Variants in STIM1 observed in about 807,000 individuals in gnomAD.
STIM1 encodes the protein stromal interaction molecule 1.
Under a neutral mutation model 74.7 loss-of-function variants are expected in STIM1, and 25 were observed. The ratio of observed to expected loss-of-function variants is 0.33; its 90% CI spans 0.24 to 0.47. STIM1 has a LOEUF of 0.47. STIM1 is among the 20% of genes least tolerant of loss of function. The pLI, the probability that STIM1 is intolerant of heterozygous loss-of-function variation, is 1.00. For synonymous variants in STIM1, 328 were observed against 348.8 expected, an observed-to-expected ratio of 0.94 and a Z score of 0.66; for missense variants, 728 against 920.8, an observed-to-expected ratio of 0.79 and a Z score of 2.71.
intron 2 of STIM1, among the ~76,000 whole-genome samples, chr11:4,023,406 G>C (rs2093974494): frequency 6.6e-6 from 1 of 152,096 alleles, no homozygotes; most frequent in African/African-American, 2.4e-5. Flanking sequence ...GTAATTTGGG[G>C]CAAATGGCAT....
chr11:3,884,871 A>G (rs1457983451), intron 1 of STIM1, among the ~76,000 whole-genome samples: 1 of 152,180 alleles, frequency 6.6e-6, no homozygotes, highest in African/African-American at 2.4e-5. Context: ...AACATGGATA[A>G]ACCTTGAAAA....
intron 1 of STIM1, among the ~76,000 whole-genome samples, chr11:3,878,459 CTT>C (rs540135230): frequency 2.8e-5 from 4 of 145,194 alleles, no homozygotes; most frequent in Non-Finnish European, 1.5e-5. Flanking sequence ...TATGAAGTTT[CTT>C]TTTTTTTTTG....
chr11:3,950,008 C>G (rs1417021817), intron 1 of STIM1, among the ~76,000 whole-genome samples: 1 of 152,146 alleles, frequency 6.6e-6, no homozygotes, highest in African/African-American at 2.4e-5. Context: ...TTTATCCTTT[C>G]AAAAATGTTA....
chr11:3,899,589 T>C (rs1450896539), intron 1 of STIM1, among the ~76,000 whole-genome samples: 6 of 150,258 alleles, frequency 4.0e-5, no homozygotes, highest in African/African-American at 1.5e-4. Flanking sequence ...ATCCCTGTCT[T>C]GTGCCAGTTT....
chr11:4,024,176 A>C (rs1430404889), intron 3 of STIM1, among the ~76,000 whole-genome samples, 189 bp downstream of exon 3: 1 of 152,200 alleles, frequency 6.6e-6, no homozygotes, highest in African/African-American at 2.4e-5. Context: ...AAGGTTCTCC[A>C]GAGTTGGCGT....
intron 12 of STIM1, among the ~76,000 whole-genome samples, chr11:4,090,382 C>T (rs533029042): frequency 6.6e-6 from 1 of 152,306 alleles, no homozygotes; most frequent in African/African-American, 2.4e-5. Context: ...TTCTATGCCT[C>T]CCTACATTCT....
chr11:4,067,843 C>T (rs545301181), intron 5 of STIM1, among the ~76,000 whole-genome samples: 2 of 152,268 alleles, frequency 1.3e-5, no homozygotes, highest in South Asian at 4.2e-4. Flanking sequence ...ATCAATCCTT[C>T]CAAGATTTAT....
At chr11:3,858,586 A>G (rs576063555) in intron 1 of STIM1, among the ~76,000 whole-genome samples, 2 of 152,198 alleles carry the variant, frequency 1.3e-5, no homozygotes, top group South Asian at 4.1e-4. Flanking sequence ...TGTTTTTGCA[A>G]AGAGGTGGTT....
chr11:3,941,341 G>C (rs1434784814), intron 1 of STIM1, among the ~76,000 whole-genome samples: 1 of 152,140 alleles, frequency 6.6e-6, no homozygotes, highest in African/African-American at 2.4e-5. Flanking sequence ...AAACAAAACA[G>C]ATCTGACTGG....
intron 1 of STIM1, among the ~76,000 whole-genome samples, chr11:3,895,927 T>C (rs1349617759): frequency 6.7e-6 from 1 of 148,326 alleles, no homozygotes; most frequent in African/African-American, 2.5e-5. Flanking sequence ...TTTTTTGAGA[T>C]GGAGTCTTGC....
chr11:3,982,788 T>C (rs755991732), intron 2 of STIM1, among the ~76,000 whole-genome samples: 4 of 152,214 alleles, frequency 2.6e-5, no homozygotes, highest in Non-Finnish European at 5.9e-5. Context: ...TAAATCTCAA[T>C]AAATATGTTT....
intron 1 of STIM1, among the ~76,000 whole-genome samples, chr11:3,864,006 A>G (rs1276646061): frequency 6.6e-6 from 1 of 151,976 alleles, no homozygotes. Context: ...CCCCGAGAAT[A>G]AAGGAGGGCT....
At chr11:3,976,928 G>C (rs986798383) in intron 2 of STIM1, among the ~76,000 whole-genome samples, 11 of 152,090 alleles carry the variant, frequency 7.2e-5, no homozygotes, top group African/African-American at 2.4e-4. Flanking sequence ...CCTAGTAGCT[G>C]GAACTACAGG....
chr11:4,051,141 TA>T (rs1373681303), intron 3 of STIM1, among the ~76,000 whole-genome samples: 1 of 152,100 alleles, frequency 6.6e-6, no homozygotes, highest in Non-Finnish European at 1.5e-5. Flanking sequence ...CCCAGGAAGT[TA>T]AAACCTGCAT....
chr11:4,043,992 C>T (rs1217633656), intron 3 of STIM1, among the ~76,000 whole-genome samples: 3 of 151,482 alleles, frequency 2.0e-5, no homozygotes, highest in East Asian at 1.9e-4. Context: ...TCCAGCCTAG[C>T]GACATAGTAG....
At chr11:4,044,879 A>G (rs2094178074) in intron 3 of STIM1, among the ~76,000 whole-genome samples, 1 of 152,142 alleles carries the variant, frequency 6.6e-6, no homozygotes. Flanking sequence ...GATGTTGAAC[A>G]ATATCTGGAG....
At chr11:4,021,236 C>T (rs891556434) in intron 2 of STIM1, among the ~76,000 whole-genome samples, 1 of 152,170 alleles carries the variant, frequency 6.6e-6, no homozygotes, top group Admixed American at 6.5e-5. Flanking sequence ...AGTGATTCTC[C>T]TGCTTCAGCC....
intron 1 of STIM1, chr11:3,867,067 GAGAATA>G (rs1203042998): frequency 1.3e-5 from 2 of 152,238 alleles, no homozygotes; most frequent in Non-Finnish European, 2.9e-5. Flanking sequence ...GGTGGGGAGG[GAGAATA>G]CCAAGTACTT....
intron 2 of STIM1, among the ~76,000 whole-genome samples, chr11:3,981,169 C>G (rs1389267139): frequency 6.6e-6 from 1 of 152,166 alleles, no homozygotes; most frequent in Non-Finnish European, 1.5e-5. Flanking sequence ...ACCTTGTGAT[C>G]CATCTGCCTC....
Sources: allele counts gnomAD v4.1 joint callset (sites outside exome capture counted in the v4.1 genomes callset), GRCh38; gene constraint gnomAD v4.1.1; transcripts MANE v1.5; gene names NCBI Gene and HGNC (gene_info 2026-07-23, HGNC 2026-07-21).